Variants in SBF2 observed in about 807,000 individuals in gnomAD.
SBF2 encodes SET binding factor 2, also known as myotubularin-related protein 13.
In SBF2, 112 loss-of-function variants were observed where a neutral mutation model predicts 225.2. The ratio of observed to expected loss-of-function variants is 0.50; its 90% confidence interval spans 0.43 to 0.58. The LOEUF (loss-of-function observed/expected upper bound fraction) is 0.58. SBF2 is among the 20% of genes least tolerant of loss of function. SBF2 has a pLI of 0.00. For missense variants in SBF2, 1,996 were observed against 2,206.2 expected (o/e 0.90, Z 1.91); for synonymous variants, 763 against 773.3 (o/e 0.99, Z 0.22).
At chr11:9,872,621 C>A (rs1284216419) in intron 17 of SBF2, among the ~76,000 whole-genome samples, 2 of 152,138 alleles carry the variant, frequency 1.3e-5, no homozygotes, top group Non-Finnish European at 2.9e-5. Context: ...TACTTCATAT[C>A]TACAAGAATG....
chr11:10,114,778 T>C (rs576560958), intron 2 of SBF2, among the ~76,000 whole-genome samples: 1 of 152,382 alleles, frequency 6.6e-6, no homozygotes, highest in Non-Finnish European at 1.5e-5. Flanking sequence ...CACAGTCTCT[T>C]TGAAGTTTTT....
chr11:9,916,672 A>G (rs1863126829), intron 16 of SBF2, among the ~76,000 whole-genome samples: 1 of 147,030 alleles, frequency 6.8e-6, no homozygotes, highest in Non-Finnish European at 1.5e-5. Flanking sequence ...GTCATGGCTC[A>G]CTGCAACCTT....
chr11:9,961,300 T>C (rs1258337468), intron 16 of SBF2: 3 of 152,242 alleles, frequency 2.0e-5, no homozygotes, highest in Non-Finnish European at 4.4e-5. Flanking sequence ...GGATGATCTT[T>C]GAAGTCTTAA....
At chr11:10,081,873 A>G (rs1463839171) in intron 2 of SBF2, among the ~76,000 whole-genome samples, 1 of 152,074 alleles carries the variant, frequency 6.6e-6, no homozygotes, top group Non-Finnish European at 1.5e-5. Context: ...CAAAAGAAAT[A>G]ACAAAGATTC....
rs138931178 is a variant in SBF2 at position 9,919,252 on chromosome 11, TTTC to T, written c.1861-23244_1861-23242del. Among the ~76,000 whole-genome samples, 1,069 of 143,180 alleles carry T rather than the reference TTTC, an allele frequency of 7.5e-3. 50 individuals carry two copies. Among genetic ancestry groups the T allele is most frequent in the Admixed American group, 0.051 (720 of 14,250 alleles). 93.9% of individuals were successfully genotyped at this position (143,180 alleles called of 152,430 possible). On this transcript the variant is annotated intron_variant, in intron 16 of 39. Coordinates refer to ENST00000256190, the MANE Select transcript of SBF2 (RefSeq NM_030962.4). Reference sequence around the variant, plus strand: ...CATCAAGATTTGAAATAGCCTCTCCTTTCTTCTTCTTCTTCTTCTTTTTTTTTT... The same window carrying T: ...CATCAAGATTTGAAATAGCCTCTCCTTTCTTCTTCTTCTTCTTTTTTTTTT...
At chr11:10,080,249 A>AAT (rs1951312276) in intron 2 of SBF2, among the ~76,000 whole-genome samples, 2 of 25,026 alleles carry the variant, frequency 8.0e-5, no homozygotes, top group South Asian at 5.3e-3. Context: ...ACTCTGTCTC[A>AAT]AAAAAAAAAA....
intron 32 of SBF2, among the ~76,000 whole-genome samples, chr11:9,801,834 A>T (rs909478314): frequency 6.6e-6 from 1 of 152,234 alleles, no homozygotes; most frequent in African/African-American, 2.4e-5. Flanking sequence ...TTACTGGATA[A>T]ATTTTAGAAT....
intron 29 of SBF2, 131 bp from the exon 30 acceptor site, chr11:9,812,839 G>C: frequency 1.2e-6 from 1 of 863,594 alleles, no homozygotes; most frequent in South Asian, 1.5e-5. Flanking sequence ...AATGGGTCAA[G>C]AAAGTCAATC....
At chr11:10,295,926 TA>T (rs1964518749), upstream of SBF2, among the ~76,000 whole-genome samples, 3 of 152,196 alleles carry the variant, frequency 2.0e-5, no homozygotes, top group Non-Finnish European at 4.4e-5. Flanking sequence ...CTTGAAAATG[TA>T]GAATTCAGTG....
intron 2 of SBF2, among the ~76,000 whole-genome samples, chr11:10,088,716 T>C (rs1399657241): frequency 6.6e-6 from 1 of 152,228 alleles, no homozygotes; most frequent in Non-Finnish European, 1.5e-5. Context: ...AATCTATTTT[T>C]GAGGGGGTGT....
rs182878023 is a variant in SBF2, at chr11:9,955,521, T to C, written c.1860+6436A>G. On this transcript the variant is annotated intron_variant, in intron 16 of 39. Transcript: ENST00000256190. Reference sequence around the variant, plus strand: ...CCAAATGGTAGGCAGTTAGGCTGTTTTTGATTTTTGCCATTATAAAGTATT... The same window carrying C: ...CCAAATGGTAGGCAGTTAGGCTGTTCTTGATTTTTGCCATTATAAAGTATT... Among the ~76,000 whole-genome samples the C allele has an allele frequency of 4.9e-3, 745 of 152,148 alleles. 5 individuals are homozygous for C. Among genetic ancestry groups the C allele is most frequent in the African/African-American group, 0.017 (707 of 41,542 alleles).
At chr11:10,134,133 C>T (rs371383480) in intron 2 of SBF2, among the ~76,000 whole-genome samples, 1 of 152,258 alleles carries the variant, frequency 6.6e-6, no homozygotes, top group East Asian at 1.9e-4. Flanking sequence ...AGGCATATCT[C>T]ACATGGCGGC....
intron 1 of SBF2, among the ~76,000 whole-genome samples, chr11:10,209,355 T>C (rs1245047698): frequency 1.3e-5 from 2 of 151,860 alleles, no homozygotes; most frequent in Non-Finnish European, 2.9e-5. Flanking sequence ...CAACTCAAAG[T>C]TCACCCTGGA....
At position 9,813,625 on chromosome 11, in the gene SBF2, C is replaced by T. The variant is rs559340989; in HGVS notation, c.3979-917G>A. ...ACAGGCGTGAGCCACCACGCCCAGT[C>T]CTACTTCTTAAAAGTCAATAATAAA... On this transcript the variant is annotated intron_variant, in intron 29 of 39. Coordinates refer to ENST00000256190, the MANE Select transcript of SBF2 (RefSeq NM_030962.4). Among the ~76,000 whole-genome samples the T allele has an allele frequency of 9.2e-5, 14 of 152,284 alleles. No individual in the cohort carries two copies. In the South Asian group the frequency reaches 2.7e-3, roughly 29 times the overall value.
At chr11:10,022,008 G>T (rs1948876683) in intron 6 of SBF2, among the ~76,000 whole-genome samples, 1 of 152,098 alleles carries the variant, frequency 6.6e-6, no homozygotes, top group African/African-American at 2.4e-5. Context: ...AAATACTAGA[G>T]TAAAATAAAA....
chr11:10,125,214 T>C (rs950809410), intron 2 of SBF2, among the ~76,000 whole-genome samples: 6 of 152,078 alleles, frequency 3.9e-5, no homozygotes, highest in African/African-American at 1.4e-4. Context: ...TATTTCATTA[T>C]AATGAAACAT....
chr11:10,023,390 A>C (rs980889582), intron 6 of SBF2, among the ~76,000 whole-genome samples: 2 of 152,200 alleles, frequency 1.3e-5, no homozygotes, highest in African/African-American at 2.4e-5. Flanking sequence ...TAATTCTCAT[A>C]CCATAAATTC....
At position 10,076,807 on chromosome 11, in the gene SBF2, G is replaced by A. The variant is rs1299757637; in HGVS notation, c.142-33826C>T. Among the ~76,000 whole-genome samples, 8 of 152,282 alleles carry A rather than the reference G, an allele frequency of 5.3e-5. No homozygotes were observed. In the East Asian group the frequency reaches 9.7e-4, roughly 18 times the overall value. On this transcript the variant is annotated intron_variant, in intron 2 of 39. Transcript: ENST00000256190. Reference sequence around the variant, plus strand: ...CTCCTCCCTCGAGCATTGCCCCAGGGGCCTGAGAACTGCTTTCTGATCCTC... The same window carrying A: ...CTCCTCCCTCGAGCATTGCCCCAGGAGCCTGAGAACTGCTTTCTGATCCTC...
intron 16 of SBF2, among the ~76,000 whole-genome samples, chr11:9,952,733 C>G (rs931528046): frequency 1.3e-4 from 20 of 152,080 alleles, no homozygotes; most frequent in African/African-American, 3.9e-4. Context: ...ATCTACTGTT[C>G]TCATCTCTTC....
Sources: allele counts gnomAD v4.1 joint callset (sites outside exome capture counted in the v4.1 genomes callset), GRCh38; gene constraint gnomAD v4.1.1; transcripts MANE v1.5; gene names NCBI Gene and HGNC (gene_info 2026-07-23, HGNC 2026-07-21).